The following RAP1A variants were observed in gnomAD, a reference collection of about 807,000 sequenced individuals.
RAP1A encodes the protein RAP1A, member of RAS oncogene family.
RAP1A carries 6 observed loss-of-function variants against 26.4 expected under a neutral mutation model. The observed-to-expected ratio is 0.23, with a 90% CI of 0.12 to 0.45. The LOEUF is 0.45. Among genes scored for constraint, RAP1A ranks in the 20% least tolerant of loss-of-function variants. The pLI, the probability that RAP1A is intolerant of heterozygous loss-of-function variation, is 0.99. For synonymous variants in RAP1A, 73 were observed against 79.4 expected (o/e 0.92, Z 0.43); for missense variants, 121 against 217.2 (o/e 0.56, Z 2.78).
chr1:111,664,394 A>AAAAAC (rs1660739992), intron 1 of RAP1A, among the ~76,000 whole-genome samples: 1 of 150,386 alleles, frequency 6.6e-6, no homozygotes, highest in African/African-American at 2.4e-5. Context: ...AAAAAAAAAA[A>AAAAAC]AAAACAAAAA....
At chr1:111,581,716 G>C (rs1658261431) in intron 1 of RAP1A, among the ~76,000 whole-genome samples, 1 of 152,172 alleles carries the variant, frequency 6.6e-6, no homozygotes, top group African/African-American at 2.4e-5. Flanking sequence ...ATACTATGTA[G>C]GTACTGCAGA....
chr1:111,714,348 A>T lies in RAP1A; in HGVS notation c.*1947A>T, dbSNP rs1312345652. 1 of 152,144 alleles carries T rather than the reference A, an allele frequency of 6.6e-6. No individual in the cohort carries two copies. The highest frequency in any genetic ancestry group is 2.4e-5 in the African/African-American group (1 of 41,416). The allele number at this position is 152,144 out of a possible 1,614,324, so 9.4% of individuals were successfully genotyped here. On this transcript the variant is annotated 3_prime_UTR_variant, in exon 8 of 8. Coordinates refer to ENST00000369709, the MANE Select transcript of RAP1A (RefSeq NM_002884.4). ...CTGCTTTAAAACACCCCTCAAACAT[A>T]CCTTTAAACTTAAGATCATAGACAG...
chr1:111,632,741 C>T (rs113119459), intron 1 of RAP1A, among the ~76,000 whole-genome samples: 1,851 of 151,546 alleles, frequency 0.012, 39 homozygotes, highest in African/African-American at 0.042. Context: ...GGAGAAACCC[C>T]GTCTTCACTA....
chr1:111,551,217 C>T lies in RAP1A; in HGVS notation c.-28+8708C>T, dbSNP rs145664187. Reference sequence around the variant, plus strand: ...TCTTCTAACCTCTGCCTTTTGAGAGCTAATTCATTCACATTTAATGTAATT... The same window carrying T: ...TCTTCTAACCTCTGCCTTTTGAGAGTTAATTCATTCACATTTAATGTAATT... On this transcript the variant is annotated intron_variant, in intron 1 of 7. Transcript: ENST00000356415. Among the ~76,000 whole-genome samples, 270 of 152,204 alleles carry T rather than the reference C, an allele frequency of 1.8e-3. 2 individuals carry two copies. The highest frequency in any genetic ancestry group is 6.4e-3 in the African/African-American group (265 of 41,520).
At chr1:111,547,420 C>A (rs1228043459) in intron 1 of RAP1A, among the ~76,000 whole-genome samples, 1 of 151,852 alleles carries the variant, frequency 6.6e-6, no homozygotes, top group Non-Finnish European at 1.5e-5. Context: ...TCTTTCATTT[C>A]TGGAATAAAC....
intron 1 of RAP1A, among the ~76,000 whole-genome samples, chr1:111,598,246 T>C (rs1658595371): frequency 6.6e-6 from 1 of 152,254 alleles, no homozygotes. Context: ...GAGTGCTTAC[T>C]ATGAGACAGG....
chr1:111,566,390 T>A (rs1472032030), intron 1 of RAP1A, among the ~76,000 whole-genome samples: 1 of 152,122 alleles, frequency 6.6e-6, no homozygotes, highest in African/African-American at 2.4e-5. Context: ...GGTAACAGGA[T>A]GGCTTAAAGA....
rs895007831 is a variant in RAP1A, at chr1:111,689,715, G to A, written c.-27-1619G>A. Among the ~76,000 whole-genome samples the A allele has an allele frequency of 7.2e-5, 11 of 152,248 alleles. No homozygotes were observed. The South Asian group carries it at 2.1e-3, about 29-fold the overall frequency. Reference sequence around the variant, plus strand: ...GACGCAGTCTCGCTCTGTCGCCCAGGCTGGAGTGCAGTGGCGCGATCTCAG... The same window carrying A: ...GACGCAGTCTCGCTCTGTCGCCCAGACTGGAGTGCAGTGGCGCGATCTCAG... On this transcript the variant is annotated intron_variant, in intron 1 of 7. Coordinates refer to ENST00000369709, the MANE Select transcript of RAP1A (RefSeq NM_002884.4).
At chr1:111,710,775 G>A (rs846261) in intron 7 of RAP1A, among the ~76,000 whole-genome samples, 20,055 of 152,252 alleles carry the variant, frequency 0.13, 1,539 homozygotes, top group East Asian at 0.21. Context: ...TCAGATTTAG[G>A]AAAGACAGCA....
chr1:111,660,002 G>A (rs907226624), intron 1 of RAP1A, among the ~76,000 whole-genome samples: 4 of 152,198 alleles, frequency 2.6e-5, no homozygotes, highest in African/African-American at 9.6e-5. Flanking sequence ...TATATGTTTA[G>A]ATCGATAAAG....
intron 1 of RAP1A, among the ~76,000 whole-genome samples, chr1:111,657,487 CTT>C (rs910960152): frequency 1.3e-5 from 2 of 152,030 alleles, no homozygotes; most frequent in African/African-American, 4.8e-5. Flanking sequence ...CTATTTTTTT[CTT>C]TTGTTGCCTG....
At chr1:111,572,488 CT>C (rs1658069396) in intron 1 of RAP1A, among the ~76,000 whole-genome samples, 1 of 152,240 alleles carries the variant, frequency 6.6e-6, no homozygotes, top group Non-Finnish European at 1.5e-5. Context: ...CATTTATCCC[CT>C]GATTCACTTC....
At chr1:111,625,795 C>G (rs1342728354) in intron 1 of RAP1A, among the ~76,000 whole-genome samples, 1 of 150,850 alleles carries the variant, frequency 6.6e-6, no homozygotes. Flanking sequence ...TTTTCTTTTT[C>G]TTTTTCTATT....
At chr1:111,558,521 A>G (rs927183052) in intron 1 of RAP1A, among the ~76,000 whole-genome samples, 1 of 152,312 alleles carries the variant, frequency 6.6e-6, no homozygotes, top group East Asian at 1.9e-4. Flanking sequence ...TTTAAAATCC[A>G]CATTTGCTAT....
chr1:111,688,026 C>A (rs1211801646), intron 1 of RAP1A, among the ~76,000 whole-genome samples: 789 of 51,616 alleles, frequency 0.015, no homozygotes, highest in African/African-American at 0.044. Flanking sequence ...GACCCTGTCT[C>A]AAAAAAAAAA....
intron 1 of RAP1A, among the ~76,000 whole-genome samples, chr1:111,678,860 A>G (rs897437546): frequency 6.6e-6 from 1 of 152,086 alleles, no homozygotes; most frequent in Non-Finnish European, 1.5e-5. Flanking sequence ...TCCTACATAC[A>G]GGATTGTCAT....
intron 1 of RAP1A, among the ~76,000 whole-genome samples, chr1:111,590,592 G>T (rs1483892116): frequency 1.3e-5 from 2 of 150,654 alleles, no homozygotes; most frequent in African/African-American, 2.4e-5. Context: ...TTTTCTAATG[G>T]TCTTTTTTTT....
intron 1 of RAP1A, among the ~76,000 whole-genome samples, chr1:111,625,174 C>T (rs1444639791): frequency 6.6e-6 from 1 of 152,122 alleles, no homozygotes; most frequent in Non-Finnish European, 1.5e-5. Flanking sequence ...AAGTGCCTTA[C>T]CTTGAACACC....
intron 1 of RAP1A, among the ~76,000 whole-genome samples, chr1:111,595,220 C>T (rs1658544456): frequency 6.6e-6 from 1 of 152,002 alleles, no homozygotes; most frequent in African/African-American, 2.4e-5. Context: ...TTGAATCAGC[C>T]CCACTACTTA....
Sources: gnomAD v4.1 joint callset for allele counts (sites outside exome capture counted in the v4.1 genomes callset) on GRCh38, gnomAD v4.1.1 for gene constraint, MANE v1.5 for transcripts, NCBI Gene and HGNC (gene_info 2026-07-23, HGNC 2026-07-21) for gene names.